Variants in XRRA1 observed in about 807,000 individuals in gnomAD.
XRRA1 encodes the protein X-ray radiation resistance associated 1, also known as X-ray radiation resistance-associated protein 1.
In XRRA1, 69 loss-of-function variants were observed where a neutral mutation model predicts 80.2. The ratio of observed to expected loss-of-function variants is 0.86; its 90% CI spans 0.71 to 1.05. XRRA1 has a LOEUF of 1.05. Ranked by LOEUF, XRRA1 falls within the 50% of genes least tolerant of loss-of-function variation. XRRA1 has a pLI of 0.00. For synonymous variants in XRRA1, 348 were observed against 389.9 expected (o/e 0.89, Z 1.27); for missense variants, 967 against 976.4 (o/e 0.99, Z 0.13).
intron 12 of XRRA1, among the ~76,000 whole-genome samples, chr11:74,852,597 A>C (rs2135594480): frequency 6.6e-6 from 1 of 152,282 alleles, no homozygotes; most frequent in East Asian, 1.9e-4. Context: ...ACAGGGGGAA[A>C]GGAGGACCCA....
chr11:74,907,092 G>T, intron 9 of XRRA1, 53 bp downstream of exon 9: 1 of 1,608,902 alleles, frequency 6.2e-7, no homozygotes, highest in Non-Finnish European at 8.5e-7. Context: ...CTCAGAGTGT[G>T]AGCAAGCCTG....
intron 10 of XRRA1, among the ~76,000 whole-genome samples, chr11:74,884,055 T>G (rs929405384): frequency 1.3e-5 from 2 of 151,996 alleles, no homozygotes; most frequent in Non-Finnish European, 2.9e-5. Flanking sequence ...AAAAATTAGC[T>G]AGGTGTGTTG....
At chr11:74,925,908 T>C (rs369858895) in intron 7 of XRRA1, among the ~76,000 whole-genome samples, 5 of 152,208 alleles carry the variant, frequency 3.3e-5, no homozygotes, top group African/African-American at 1.2e-4. Context: ...AAATGCAAGT[T>C]CTTAAGAAGC....
At chr11:74,858,097 T>G (rs1261125093) in intron 12 of XRRA1, among the ~76,000 whole-genome samples, 1 of 152,028 alleles carries the variant, frequency 6.6e-6, no homozygotes, top group Non-Finnish European at 1.5e-5. Flanking sequence ...GAACAGAAAG[T>G]TATGAGCAGA....
chr11:74,931,957 T>C (rs1181807007), intron 5 of XRRA1, among the ~76,000 whole-genome samples: 1 of 152,202 alleles, frequency 6.6e-6, no homozygotes, highest in Non-Finnish European at 1.5e-5. Flanking sequence ...TATTGTAAAA[T>C]GGCACTGCAT....
At position 74,844,267 on chromosome 11, in the gene XRRA1, T is replaced by G. The variant is rs549369299; in HGVS notation, c.1944A>C (p.Ala648=). The G allele has an allele frequency of 6.2e-6, 10 of 1,612,938 alleles. No homozygotes were observed. The highest frequency in any genetic ancestry group is 3.3e-5 in the Admixed American group (2 of 59,988). The change falls in exon 17 of 19, where the codon GCA becomes GCC. Residue 648 remains alanine, a synonymous_variant. Transcript: ENST00000684022. ...FIEPKGIQKN[A]QALQQMLKHP... is the part of the protein sequence containing the mutation. ...GCTTCAGCATTTGTTGCAGGGCTTG[T>G]GCATTCTTCTGGATTCCTAGGGCAA...
chr11:74,851,078 G>A lies in XRRA1; in HGVS notation c.1380+10C>T, dbSNP rs1014597340. The A allele has an allele frequency of 1.6e-5, 25 of 1,603,664 alleles. No homozygotes were observed. Among genetic ancestry groups the A allele is most frequent in the Non-Finnish European group, 1.9e-5 (22 of 1,174,330 alleles). Reference sequence around the variant, plus strand: ...TCCTGGGGGTGGGAGTCCTGCCTTGGAAGCCCTACCTTCCATGATTCCTTC... The same window carrying A: ...TCCTGGGGGTGGGAGTCCTGCCTTGAAAGCCCTACCTTCCATGATTCCTTC... On this transcript the variant is annotated intron_variant, in intron 14 of 18. Transcript: ENST00000684022.
At chr11:74,902,620 G>A (rs148787845) in intron 10 of XRRA1, among the ~76,000 whole-genome samples, 292 of 152,280 alleles carry the variant, frequency 1.9e-3, no homozygotes, top group African/African-American at 6.7e-3. Flanking sequence ...TTGCAAGAAC[G>A]TGGATGGAAC....
In XRRA1 at chr11:74,848,439, C is replaced by A; in HGVS notation, c.1404G>T (p.Val468=). The A allele has an allele frequency of 6.2e-7, 1 of 1,610,822 alleles. No homozygotes were observed. Among genetic ancestry groups the A allele is most frequent in the Non-Finnish European group, 8.5e-7 (1 of 1,177,632 alleles). ...SWKVKSEIPK[V]PKQPLVLHHP... ...GATGGAGCACCAGAGGCTGCTTCGG[C>A]ACCTTTGGGATTTCGCTTTTCACCT... is the stretch of plus-strand genomic sequence containing the variant. The change falls in exon 15 of 19, where the codon GTG becomes GTT. Residue 468 remains valine (V), a synonymous_variant. Coordinates refer to ENST00000684022, the MANE Select transcript of XRRA1 (RefSeq NM_001378157.1).
rs61747061 is a variant in XRRA1, at chr11:74,906,384, G to A, written c.858C>T (p.Asp286=). 2.3e-3 allele frequency: 3,638 copies of A among 1,613,942 alleles called. 54 individuals carry two copies. In the African/African-American group the frequency reaches 0.034, roughly 15 times the overall value. The change falls in exon 10 of 19, where the codon GAC becomes GAT. Residue 286 remains aspartate (D), a synonymous_variant. Transcript: ENST00000684022. ...TGCCTCCATTCCAGTCTACTGACTC[G>A]TCATAGAGCTGAACTTGCTGTAGGT... ...IPYLQQVQLY[D]ESVDWNGGRG...
At chr11:74,858,926 T>C (rs1175821609) in intron 12 of XRRA1, among the ~76,000 whole-genome samples, 1 of 152,232 alleles carries the variant, frequency 6.6e-6, no homozygotes, top group Non-Finnish European at 1.5e-5. Flanking sequence ...GTATATCTAG[T>C]GCCTACCACA....
intron 10 of XRRA1, among the ~76,000 whole-genome samples, chr11:74,867,447 C>G (rs932715917): frequency 6.6e-6 from 1 of 152,116 alleles, no homozygotes; most frequent in Non-Finnish European, 1.5e-5. Flanking sequence ...GCAATGTTAA[C>G]AGCAGAATCA....
intron 10 of XRRA1, among the ~76,000 whole-genome samples, chr11:74,890,516 T>C (rs2050367197): frequency 6.6e-6 from 1 of 151,944 alleles, no homozygotes; most frequent in African/African-American, 2.4e-5. Context: ...GCAAACACAT[T>C]CAAAAGCTAG....
chr11:74,870,609 T>C (rs2510692), intron 10 of XRRA1, among the ~76,000 whole-genome samples: 123,257 of 152,100 alleles, frequency 0.81, 50,101 homozygotes, highest in African/African-American at 0.85. Flanking sequence ...TCCCTTTCCC[T>C]GGCAGTGAGC....
chr11:74,924,625 G>C (rs1289958537), intron 7 of XRRA1, among the ~76,000 whole-genome samples: 1 of 152,176 alleles, frequency 6.6e-6, no homozygotes, highest in African/African-American at 2.4e-5. Flanking sequence ...CTTGAGGCCA[G>C]GAGTTCGAGA....
At position 74,917,637 on chromosome 11, in the gene XRRA1, T is replaced by C. The variant is rs148437187; in HGVS notation, c.656+3577A>G. On this transcript the variant is annotated intron_variant, in intron 8 of 18. Transcript: ENST00000684022. ...CATAGGATATCACATAAACCAAAAC[T>C]GATACTGTTTTTCTCATAACCACAA... Among the ~76,000 whole-genome samples, 177 of 152,328 alleles carry C rather than the reference T, an allele frequency of 1.2e-3. 2 individuals carry two copies. The Middle Eastern group carries it at 0.034, about 29-fold the overall frequency.
chr11:74,936,967 A>G lies in XRRA1; in HGVS notation c.196T>C (p.Ser66Pro). The G allele has an allele frequency of 6.2e-7, 1 of 1,613,728 alleles. No homozygotes were observed. The highest frequency in any genetic ancestry group is 8.5e-7 in the Non-Finnish European group (1 of 1,179,828). The change falls in exon 4 of 19, where the codon TCT (serine) becomes CCT (proline). Residue 66 changes from serine (S) to proline (P), a missense_variant. Physicochemically the swap from Ser to Pro is moderately conservative, Grantham distance 74. Transcript: ENST00000684022. Reference sequence around the variant, plus strand: ...TCTTTCTTCCCCTTGAACTCAAAAGAAGTCGCCTTCAGGCTTTCCCGACGT... The same window carrying G: ...TCTTTCTTCCCCTTGAACTCAAAAGGAGTCGCCTTCAGGCTTTCCCGACGT... Reference protein sequence around the residue: ...AERRESLKATSFEFKGKKESR... With the variant: ...AERRESLKATPFEFKGKKESR...
intron 10 of XRRA1, among the ~76,000 whole-genome samples, chr11:74,895,012 A>G (rs2051892989): frequency 6.6e-6 from 1 of 152,232 alleles, no homozygotes; most frequent in Admixed American, 6.5e-5. Context: ...ATGGCAGAAT[A>G]GAAGCCTACA....
intron 16 of XRRA1, 135 bp from the exon 17 acceptor site, chr11:74,844,418 C>G: frequency 1.5e-6 from 1 of 657,878 alleles, no homozygotes; most frequent in South Asian, 1.9e-5. Context: ...GAAAACACTG[C>G]CCCCAGGTTT....
Sources: allele counts gnomAD v4.1 joint callset (sites outside exome capture counted in the v4.1 genomes callset), GRCh38; gene constraint gnomAD v4.1.1; transcripts MANE v1.5; gene names NCBI Gene and HGNC (gene_info 2026-07-23, HGNC 2026-07-21).